Variants in LARS2 observed in about 807,000 individuals in gnomAD.
The protein encoded by LARS2 is leucine--tRNA ligase, mitochondrial.
Under a neutral mutation model 116.6 loss-of-function variants are expected in LARS2, and 81 were observed. The observed-to-expected ratio is 0.69, with a 90% CI of 0.58 to 0.84. The LOEUF (loss-of-function observed/expected upper bound fraction) is 0.84, where lower values mean the gene tolerates loss of function less well. LARS2 is among the 40% of genes least tolerant of loss of function. LARS2 has a pLI of 0.00. For missense variants in LARS2, 968 were observed against 1,114.5 expected, an observed-to-expected ratio of 0.87 and a Z score of 1.87; for synonymous variants, 396 against 407.2, an observed-to-expected ratio of 0.97 and a Z score of 0.33.
chr3:45,542,234 G>C (rs929271767), intron 21 of LARS2, among the ~76,000 whole-genome samples: 1 of 152,192 alleles, frequency 6.6e-6, no homozygotes, highest in Non-Finnish European at 1.5e-5. Flanking sequence ...CCGCCTTACA[G>C]GTTCTCGTTA....
intron 8 of LARS2, among the ~76,000 whole-genome samples, chr3:45,469,711 A>G (rs1023629301): frequency 1.3e-5 from 2 of 152,038 alleles, no homozygotes; most frequent in African/African-American, 4.8e-5. Flanking sequence ...GTGCGAGAGA[A>G]AGGTCATTCC....
At chr3:45,525,004 G>A (rs1700512808) in intron 20 of LARS2, among the ~76,000 whole-genome samples, 1 of 152,220 alleles carries the variant, frequency 6.6e-6, no homozygotes, top group South Asian at 2.1e-4. Flanking sequence ...TATTGCCTGT[G>A]TCTCTCACAA....
At chr3:45,495,179 A>G (rs1456898515) in intron 13 of LARS2, 1 of 152,240 alleles carries the variant, frequency 6.6e-6, no homozygotes, top group Non-Finnish European at 1.5e-5. Flanking sequence ...TCACATATCA[A>G]GGATCTCACT....
chr3:45,466,138 A>G (rs1211733944), intron 8 of LARS2, among the ~76,000 whole-genome samples: 1 of 152,268 alleles, frequency 6.6e-6, no homozygotes, highest in East Asian at 1.9e-4. Flanking sequence ...CAGGAACCAT[A>G]AAGATAGAAA....
At chr3:45,544,875 G>A (rs1700853845) in intron 21 of LARS2, among the ~76,000 whole-genome samples, 1 of 152,166 alleles carries the variant, frequency 6.6e-6, no homozygotes, top group South Asian at 2.1e-4. Flanking sequence ...AACATAGGGG[G>A]GCAGGCCCAC....
At position 45,496,481 on chromosome 3, in the gene LARS2, C is replaced by T. The variant is rs12638088; in HGVS notation, c.1622+108C>T. On this transcript the variant is annotated intron_variant, in intron 14 of 21. Transcript: ENST00000645846. ...CAAGAGATTTCTTGGGGGGAAATGC[C>T]TGTGCAGATTAAAGGGGAGAAGAGG... The T allele has an allele frequency of 0.29, 241,771 of 833,702 alleles. 37,104 individuals are homozygous for T. Among genetic ancestry groups the T allele is most frequent in the Middle Eastern group, 0.41 (1,709 of 4,176 alleles). The allele number at this position is 833,702 out of a possible 1,614,324, so 51.6% of individuals were successfully genotyped here.
At chr3:45,457,592 C>T (rs1166501028) in intron 7 of LARS2, among the ~76,000 whole-genome samples, 2 of 152,082 alleles carry the variant, frequency 1.3e-5, no homozygotes, top group South Asian at 4.1e-4. Context: ...GCAGGAGAAT[C>T]GCTTGAACCC....
At chr3:45,392,976 A>G (rs932258327) in intron 2 of LARS2, among the ~76,000 whole-genome samples, 3 of 152,190 alleles carry the variant, frequency 2.0e-5, no homozygotes, top group African/African-American at 7.2e-5. Flanking sequence ...AGTTTAGGCT[A>G]TTTAGTCTAG....
chr3:45,438,339 T>C (rs1219824645), intron 6 of LARS2, among the ~76,000 whole-genome samples: 5 of 152,138 alleles, frequency 3.3e-5, no homozygotes, highest in African/African-American at 9.7e-5. Context: ...TGTCACTGCT[T>C]GATGCCCCTC....
At chr3:45,507,158 A>C (rs115641844) in intron 15 of LARS2, among the ~76,000 whole-genome samples, 2,007 of 152,072 alleles carry the variant, frequency 0.013, 34 homozygotes, top group African/African-American at 0.046. Context: ...ACACTTTGGG[A>C]TTGCAAGACA....
intron 1 of LARS2, among the ~76,000 whole-genome samples, chr3:45,390,865 C>A (rs1027403831): frequency 4.2e-4 from 64 of 151,826 alleles, no homozygotes; most frequent in Non-Finnish European, 7.8e-4. Context: ...TGGTCTCGAT[C>A]TCCTGACCTT....
intron 4 of LARS2, among the ~76,000 whole-genome samples, chr3:45,414,221 A>G (rs1229481265): frequency 1.3e-5 from 2 of 152,228 alleles, no homozygotes; most frequent in Admixed American, 1.3e-4. Flanking sequence ...CAAAGCAGTC[A>G]CTAACAGGCT....
At chr3:45,452,685 G>C (rs1027279599) in intron 7 of LARS2, among the ~76,000 whole-genome samples, 4 of 152,096 alleles carry the variant, frequency 2.6e-5, no homozygotes, top group Admixed American at 1.3e-4. Flanking sequence ...GGATATCAGG[G>C]TAATGCTGGC....
intron 4 of LARS2, among the ~76,000 whole-genome samples, chr3:45,401,842 C>G (rs1162171509): frequency 1.3e-5 from 2 of 152,090 alleles, no homozygotes; most frequent in African/African-American, 4.8e-5. Flanking sequence ...TCTTGAACCC[C>G]TGGGCTCAAG....
chr3:45,440,074 T>G (rs992660540), intron 6 of LARS2, among the ~76,000 whole-genome samples: 2 of 152,212 alleles, frequency 1.3e-5, no homozygotes, highest in African/African-American at 4.8e-5. Context: ...CGTCAGTGTC[T>G]TGGTTCTGGC....
At chr3:45,449,981 G>T (rs775591072) in intron 7 of LARS2, among the ~76,000 whole-genome samples, 2 of 152,166 alleles carry the variant, frequency 1.3e-5, no homozygotes, top group Non-Finnish European at 2.9e-5. Flanking sequence ...ATTTTCAGCT[G>T]CAAATATGAA....
chr3:45,497,641 T>C (rs1382284632), intron 14 of LARS2, among the ~76,000 whole-genome samples: 1 of 152,142 alleles, frequency 6.6e-6, no homozygotes, highest in African/African-American at 2.4e-5. Flanking sequence ...GCATGGTGGC[T>C]CACGCCTGTA....
chr3:45,536,039 C>T (rs1700700228), intron 20 of LARS2, among the ~76,000 whole-genome samples: 2 of 152,168 alleles, frequency 1.3e-5, no homozygotes, highest in South Asian at 4.2e-4. Context: ...TGTTGAGATT[C>T]TAATTCTGGA....
chr3:45,473,426 C>T (rs1460289670), intron 8 of LARS2, among the ~76,000 whole-genome samples: 1 of 151,430 alleles, frequency 6.6e-6, no homozygotes, highest in Non-Finnish European at 1.5e-5. Flanking sequence ...GCTCTGTCAC[C>T]CAGGCTGCAG....
Sources: gnomAD v4.1 joint callset for allele counts (sites outside exome capture counted in the v4.1 genomes callset) on GRCh38, gnomAD v4.1.1 for gene constraint, MANE v1.5 for transcripts, NCBI Gene and HGNC (gene_info 2026-07-23, HGNC 2026-07-21) for gene names.